The following HIRA variants were observed in gnomAD, a reference collection of about 807,000 sequenced individuals.
The protein encoded by HIRA is protein HIRA.
HIRA carries 13 observed loss-of-function variants against 126.6 expected under a neutral mutation model. That is an observed-to-expected ratio of 0.10 (90% CI 0.07 to 0.16). HIRA has a LOEUF of 0.16. HIRA is among the 10% of genes least tolerant of loss of function. HIRA has a pLI of 1.00. For synonymous variants in HIRA, 511 were observed against 520.0 expected (o/e 0.98, Z 0.24); for missense variants, 834 against 1,314.4 (o/e 0.63, Z 5.65).
rs564969770 is a variant in HIRA, at chr22:19,425,345, C to T, written c.37+6095G>A. On this transcript the variant is annotated intron_variant, in intron 1 of 24. Coordinates refer to ENST00000263208, the MANE Select transcript of HIRA (RefSeq NM_003325.4). ...TTGGTCCCCAGGGCTCATTCCATAC[C>T]TCTGGTTCATGTGCTAGACACTTCT... is the stretch of plus-strand genomic sequence containing the variant. 3.9e-5 allele frequency among the ~76,000 whole-genome samples: 6 copies of T among 152,254 alleles called. No individual in the cohort carries two copies. The South Asian group carries it at 1.0e-3, about 26-fold the overall frequency.
At chr22:19,429,210 T>C (rs1336149630) in intron 1 of HIRA, among the ~76,000 whole-genome samples, 3 of 134,770 alleles carry the variant, frequency 2.2e-5, no homozygotes, top group African/African-American at 8.3e-5. Flanking sequence ...CGATCTCGGC[T>C]CACTGCAACC....
chr22:19,428,475 C>T (rs1485879227), intron 1 of HIRA, among the ~76,000 whole-genome samples: 1 of 152,162 alleles, frequency 6.6e-6, no homozygotes, highest in East Asian at 1.9e-4. Context: ...GGAAACCCTA[C>T]CTTAGAGGTG....
chr22:19,431,379 T>C (rs1601870159), intron 1 of HIRA, 61 bp downstream of exon 1: 2 of 1,574,436 alleles, frequency 1.3e-6, no homozygotes, highest in Non-Finnish European at 1.7e-6. Context: ...GCGCCCCGAC[T>C]CGACTCCAGA....
intron 16 of HIRA, 109 bp downstream of exon 16, chr22:19,361,618 G>T (rs2088864753): frequency 9.3e-7 from 1 of 1,080,592 alleles, no homozygotes; most frequent in Non-Finnish European, 1.4e-6. Flanking sequence ...TAAGCCAGCT[G>T]GTTCCCAAGG....
At position 19,354,116 on chromosome 22, in the gene HIRA, T is replaced by C; in HGVS notation, c.2564A>G (p.Asn855Ser). ...YCFNPSLSTW[N>S]LVSDKQDSLA... Reference sequence around the variant, plus strand: ...TGAGTCCTGCTTGTCAGAAACCAGGTTCCTGGGGAGGCAAAGGCAGGAGCA... The same window carrying C: ...TGAGTCCTGCTTGTCAGAAACCAGGCTCCTGGGGAGGCAAAGGCAGGAGCA... The change falls in exon 22 of 25, where the codon AAC (asparagine) becomes AGC (serine). Residue 855 changes from asparagine to serine, a missense_variant and splice_region_variant. Transcript: ENST00000263208. 6.2e-7 allele frequency: 1 copy of C among 1,612,428 alleles called. No homozygotes were observed. Among genetic ancestry groups the C allele is most frequent in the East Asian group, 2.2e-5 (1 of 44,816 alleles).
intron 15 of HIRA, among the ~76,000 whole-genome samples, chr22:19,371,804 C>T (rs2088968047): frequency 6.6e-6 from 1 of 152,200 alleles, no homozygotes; most frequent in Non-Finnish European, 1.5e-5. Flanking sequence ...TGTAAGCATT[C>T]CATTCCTCTT....
At chr22:19,347,215 T>C (rs1333045178) in intron 24 of HIRA, among the ~76,000 whole-genome samples, 1 of 152,168 alleles carries the variant, frequency 6.6e-6, no homozygotes, top group Non-Finnish European at 1.5e-5. Context: ...GCTGTACTCT[T>C]GAAAAGGAAA....
In HIRA at chr22:19,337,138, C is replaced by T. The variant is rs148634307; in HGVS notation, c.2938-5582G>A. On this transcript the variant is annotated intron_variant, in intron 24 of 24. Transcript: ENST00000263208. The stretch of plus-strand genomic sequence containing the variant: ...TTGAGACAGGGTCTCGCTCTGTTGT[C>T]CAGGCTGGAGTGCAGTGGCGTGATC... Among the ~76,000 whole-genome samples the T allele has an allele frequency of 2.0e-5, 3 of 151,294 alleles. No individual in the cohort carries two copies. In the East Asian group the frequency reaches 5.8e-4, roughly 29 times the overall value.
At chr22:19,401,895 C>A (rs548213249) in intron 5 of HIRA, among the ~76,000 whole-genome samples, 12 of 152,306 alleles carry the variant, frequency 7.9e-5, no homozygotes, top group South Asian at 2.1e-4. Context: ...TAGATCCCTG[C>A]GGAGACTTCA....
chr22:19,419,224 A>AC (rs993668057), intron 1 of HIRA, among the ~76,000 whole-genome samples: 4 of 152,140 alleles, frequency 2.6e-5, no homozygotes, highest in Non-Finnish European at 5.9e-5. Context: ...TTTCCAAGAA[A>AC]CCTGCTCTAC....
At chr22:19,381,163 T>C (rs969338229) in intron 13 of HIRA, among the ~76,000 whole-genome samples, 5 of 152,248 alleles carry the variant, frequency 3.3e-5, no homozygotes, top group African/African-American at 9.6e-5. Flanking sequence ...ATTTTATTTG[T>C]GAATATGACT....
intron 1 of HIRA, 86 bp from the exon 2 acceptor site, chr22:19,410,864 T>TAA: frequency 1.9e-6 from 2 of 1,055,560 alleles, no homozygotes; most frequent in Non-Finnish European, 2.9e-6. Flanking sequence ...AGTTAAAGTC[T>TAA]AAACTGCTAG....
At chr22:19,347,988 TAGC>T (rs1158033435) in intron 24 of HIRA, among the ~76,000 whole-genome samples, 86 of 152,306 alleles carry the variant, frequency 5.6e-4, no homozygotes, top group African/African-American at 2.0e-3. Context: ...AGGGGGACCA[TAGC>T]AGGGGCTAGG....
In HIRA at chr22:19,377,986, G is replaced by A; in HGVS notation, c.1496C>T (p.Pro499Leu). Residue 499 changes from proline (P) to leucine (L), a missense_variant, in exon 14 of 25, where the codon CCA (proline) becomes CTA (leucine). This residue lies in a region of HIRA where 468 missense variants were observed against 574.2 expected (regional missense o/e 0.82). Transcript: ENST00000263208. ...ACTGGAGTCCAGTGGCAGTAGCTGTGGACTGCTATGAGAAGAGAGCATGGT... is the reference window on the plus strand; with the variant it reads ...ACTGGAGTCCAGTGGCAGTAGCTGTAGACTGCTATGAGAAGAGAGCATGGT... ...AGTMLSSHSS[P>L]QLLPLDSSTP... The A allele has an allele frequency of 2.5e-6, 4 of 1,613,742 alleles. No individual in the cohort carries two copies. Among genetic ancestry groups the A allele is most frequent in the Non-Finnish European group, 3.4e-6 (4 of 1,179,850 alleles).
rs549770715 is a variant in HIRA at position 19,356,706 on chromosome 22, CCCCTCAG to C, written c.2396+177_2396+183del. On this transcript the variant is annotated intron_variant, in intron 19 of 24. Coordinates refer to ENST00000263208, the MANE Select transcript of HIRA (RefSeq NM_003325.4). ...CTGCCTCCATCCCCCTTGCACACTA[CCCCTCAG>C]CCCTCAGCCTACCCAGGGCACCCAA... Among the ~76,000 whole-genome samples, 83 of 152,346 alleles carry C rather than the reference CCCCTCAG, an allele frequency of 5.4e-4. 2 individuals are homozygous for C. The South Asian group carries it at 0.017, about 30-fold the overall frequency.
chr22:19,386,634 G>A lies in HIRA; in HGVS notation c.1114-898C>T, dbSNP rs539453208. Among the ~76,000 whole-genome samples, 3 of 152,288 alleles carry A rather than the reference G, an allele frequency of 2.0e-5. No individual in the cohort carries two copies. The South Asian group carries it at 6.2e-4, about 32-fold the overall frequency. Reference sequence around the variant, plus strand: ...TCCTGAGTCTATCCCCTGGAATCTCGAAGCAGAATTCAGTGTTTGGCCAGG... The same window carrying A: ...TCCTGAGTCTATCCCCTGGAATCTCAAAGCAGAATTCAGTGTTTGGCCAGG... On this transcript the variant is annotated intron_variant, in intron 11 of 24. Coordinates refer to ENST00000263208, the MANE Select transcript of HIRA (RefSeq NM_003325.4).
At chr22:19,359,038 C>T (rs896804771) in intron 18 of HIRA, among the ~76,000 whole-genome samples, 4 of 152,174 alleles carry the variant, frequency 2.6e-5, no homozygotes, top group Admixed American at 2.6e-4. Flanking sequence ...GAATTCGAGA[C>T]TTTGGGGATC....
chr22:19,368,571 T>C (rs2014752912), intron 15 of HIRA, among the ~76,000 whole-genome samples: 1 of 152,182 alleles, frequency 6.6e-6, no homozygotes, highest in Non-Finnish European at 1.5e-5. Flanking sequence ...TTCTCTCAGA[T>C]GTTCTGAATA....
At chr22:19,353,274 C>T in intron 23 of HIRA, 82 bp downstream of exon 23, 1 of 1,551,456 alleles carries the variant, frequency 6.4e-7, no homozygotes, top group Admixed American at 1.7e-5. Context: ...CATCTTTTCC[C>T]TGATTTCACA....
Sources: gnomAD v4.1 joint callset for allele counts (sites outside exome capture counted in the v4.1 genomes callset) on GRCh38, gnomAD v4.1.1 for gene constraint, gnomAD v4.1.1 regional missense constraint, MANE v1.5 for transcripts, NCBI Gene and HGNC (gene_info 2026-07-23, HGNC 2026-07-21) for gene names.